Variants in FSIP1 observed in about 807,000 individuals in gnomAD.
The protein encoded by FSIP1 is fibrous sheath interacting protein 1.
FSIP1 carries 65 observed loss-of-function variants against 60.9 expected under a neutral mutation model. The observed-to-expected ratio is 1.07, with a 90% confidence interval of 0.87 to 1.31. The LOEUF is 1.31. FSIP1 is among the 40% of genes most tolerant of loss of function. The pLI, the probability that FSIP1 is intolerant of heterozygous loss-of-function variation, is 0.00. For missense variants in FSIP1, 675 were observed against 665.5 expected (o/e 1.01, Z -0.16); for synonymous variants, 209 against 221.2 (o/e 0.94, Z 0.49).
intron 10 of FSIP1, among the ~76,000 whole-genome samples, chr15:39,692,078 C>T (rs998907687): frequency 2.6e-5 from 4 of 151,908 alleles, no homozygotes; most frequent in Admixed American, 2.6e-4. Flanking sequence ...ATTTTTAATG[C>T]TGATAGGAAA....
At chr15:39,780,245 C>T (rs1375585917) in intron 1 of FSIP1, among the ~76,000 whole-genome samples, 3 of 152,180 alleles carry the variant, frequency 2.0e-5, no homozygotes, top group Non-Finnish European at 4.4e-5. Context: ...CAATTTTGGC[C>T]AGGCGCGGTG....
intron 10 of FSIP1, among the ~76,000 whole-genome samples, chr15:39,627,788 T>A (rs902010565): frequency 3.3e-5 from 5 of 152,252 alleles, no homozygotes; most frequent in Non-Finnish European, 7.3e-5. Context: ...TCACTTCTCT[T>A]GTTCCCCACT....
intron 10 of FSIP1, among the ~76,000 whole-genome samples, chr15:39,639,015 T>G (rs993103272): frequency 7.2e-5 from 11 of 152,200 alleles, no homozygotes; most frequent in African/African-American, 2.7e-4. Flanking sequence ...AGATTTGAAA[T>G]GTAGTCTATG....
At chr15:39,745,625 C>A (rs35898600) in intron 5 of FSIP1, among the ~76,000 whole-genome samples, 38,794 of 152,138 alleles carry the variant, frequency 0.25, 6,031 homozygotes, top group Non-Finnish European at 0.36. Context: ...CCCTCAGACA[C>A]ACCCACACTC....
At chr15:39,704,705 T>A (rs897026399) in intron 10 of FSIP1, among the ~76,000 whole-genome samples, 1 of 152,196 alleles carries the variant, frequency 6.6e-6, no homozygotes, top group Non-Finnish European at 1.5e-5. Flanking sequence ...CTATAGCATG[T>A]GTAACAATTG....
chr15:39,640,636 A>G (rs1214872662), intron 10 of FSIP1, among the ~76,000 whole-genome samples: 2 of 152,070 alleles, frequency 1.3e-5, no homozygotes, highest in Admixed American at 6.6e-5. Context: ...GAGTTTGAGC[A>G]ATGAATAATT....
At chr15:39,776,654 C>T (rs1898074815) in intron 1 of FSIP1, 123 bp from the exon 2 acceptor site, 1 of 838,558 alleles carries the variant, frequency 1.2e-6, no homozygotes, top group East Asian at 2.6e-5. Context: ...ACTGAAGTCA[C>T]ACTTAAGGGT....
intron 9 of FSIP1, among the ~76,000 whole-genome samples, chr15:39,715,259 A>T (rs776706053): frequency 1.3e-5 from 2 of 151,388 alleles, no homozygotes; most frequent in Non-Finnish European, 2.9e-5. Context: ...CAACCCTCCA[A>T]CTCCTGAGAC....
intron 11 of FSIP1, among the ~76,000 whole-genome samples, chr15:39,609,692 G>C (rs1890956154): frequency 6.6e-6 from 1 of 152,182 alleles, no homozygotes; most frequent in Non-Finnish European, 1.5e-5. Flanking sequence ...CCAGCACACA[G>C]ACCTGCCCAG....
At chr15:39,699,672 G>T (rs1015447467) in intron 10 of FSIP1, among the ~76,000 whole-genome samples, 1 of 152,024 alleles carries the variant, frequency 6.6e-6, no homozygotes, top group African/African-American at 2.4e-5. Flanking sequence ...CTGTCATCCA[G>T]AGTGGATGAA....
At chr15:39,719,055 G>C (rs140687850) in intron 9 of FSIP1, among the ~76,000 whole-genome samples, 1 of 152,146 alleles carries the variant, frequency 6.6e-6, no homozygotes, top group Admixed American at 6.5e-5. Flanking sequence ...CATGGCCTCC[G>C]ATGGCATAAC....
intron 1 of FSIP1, among the ~76,000 whole-genome samples, chr15:39,782,125 A>G (rs1351239516): frequency 6.6e-6 from 1 of 152,216 alleles, no homozygotes; most frequent in African/African-American, 2.4e-5. Flanking sequence ...ACCAAATTAC[A>G]CTACTTCCCC....
intron 10 of FSIP1, among the ~76,000 whole-genome samples, chr15:39,669,393 T>A (rs1893629399): frequency 6.6e-6 from 1 of 152,174 alleles, no homozygotes; most frequent in Non-Finnish European, 1.5e-5. Context: ...TACCCCAAAT[T>A]CTATCTTGGC....
intron 3 of FSIP1, among the ~76,000 whole-genome samples, chr15:39,769,038 G>T (rs919418859): frequency 6.6e-6 from 1 of 152,140 alleles, no homozygotes; most frequent in African/African-American, 2.4e-5. Context: ...CCAGCACTTT[G>T]GGAGGCCGAG....
At chr15:39,619,641 A>T (rs947315263) in intron 10 of FSIP1, among the ~76,000 whole-genome samples, 1 of 152,206 alleles carries the variant, frequency 6.6e-6, no homozygotes, top group African/African-American at 2.4e-5. Context: ...CAGAATCAGG[A>T]GCATTATCTC....
At chr15:39,711,673 C>CTCCTTT in intron 10 of FSIP1, among the ~76,000 whole-genome samples, 5 of 92,700 alleles carry the variant, frequency 5.4e-5, no homozygotes, top group African/African-American at 1.9e-4. Flanking sequence ...ACCATTCCTA[C>CTCCTTT]TTCTTTTTTT....
At chr15:39,690,485 C>T (rs547100621) in intron 10 of FSIP1, among the ~76,000 whole-genome samples, 1 of 152,266 alleles carries the variant, frequency 6.6e-6, no homozygotes, top group South Asian at 2.1e-4. Context: ...GGTTTTGAGA[C>T]CCCATTAGTC....
At chr15:39,625,128 G>A (rs542583267) in intron 10 of FSIP1, among the ~76,000 whole-genome samples, 10 of 152,302 alleles carry the variant, frequency 6.6e-5, no homozygotes, top group Middle Eastern at 3.4e-3. Flanking sequence ...CCAAACAGCC[G>A]GGTGAGGCAG....
At chr15:39,688,866 T>G (rs1003427043) in intron 10 of FSIP1, among the ~76,000 whole-genome samples, 4 of 152,148 alleles carry the variant, frequency 2.6e-5, no homozygotes, top group Non-Finnish European at 4.4e-5. Flanking sequence ...CTGGAAAAAT[T>G]TTCATAGGCT....
Sources: gnomAD v4.1 joint callset for allele counts (sites outside exome capture counted in the v4.1 genomes callset) on GRCh38, gnomAD v4.1.1 for gene constraint, MANE v1.5 for transcripts, NCBI Gene and HGNC (gene_info 2026-07-23, HGNC 2026-07-21) for gene names.